ZC3H4: variants seen among roughly 807,000 people sequenced by gnomAD.
ZC3H4 encodes the protein zinc finger CCCH-type containing 4.
In ZC3H4, 13 loss-of-function variants were observed where a neutral mutation model predicts 108.3. The observed-to-expected ratio is 0.12, with a 90% CI of 0.08 to 0.19. ZC3H4 has a LOEUF of 0.19. ZC3H4 is among the 10% of genes least tolerant of loss of function. ZC3H4 has a pLI of 1.00. For missense variants in ZC3H4, 1,734 were observed against 1,838.8 expected, an observed-to-expected ratio of 0.94 and a Z score of 1.04; for synonymous variants, 917 against 749.6, an observed-to-expected ratio of 1.22 and a Z score of -3.65.
At chr19:47,103,913 C>T (rs1227514891) in intron 2 of ZC3H4, among the ~76,000 whole-genome samples, 6 of 151,680 alleles carry the variant, frequency 4.0e-5, no homozygotes, top group East Asian at 1.9e-4. Context: ...CACTGCACTC[C>T]GGCCTGGGTG....
intron 7 of ZC3H4, 51 bp downstream of exon 7, chr19:47,085,267 C>G: frequency 6.4e-7 from 1 of 1,561,804 alleles, no homozygotes; most frequent in Non-Finnish European, 8.7e-7. Flanking sequence ...ATTCCAGCAG[C>G]TGCTGGAATC....
chr19:47,089,709 C>CG (rs918927883), intron 5 of ZC3H4, among the ~76,000 whole-genome samples: 2 of 152,052 alleles, frequency 1.3e-5, no homozygotes, highest in Non-Finnish European at 2.9e-5. Context: ...CCCTTCTCCC[C>CG]CCACAGCTGA....
intron 10 of ZC3H4, 59 bp downstream of exon 10, chr19:47,082,125 T>C (rs1851863734): frequency 1.4e-6 from 2 of 1,382,492 alleles, no homozygotes; most frequent in African/African-American, 1.4e-5. Context: ...ACTACCACCA[T>C]CAAGGAGCAG....
intron 2 of ZC3H4, among the ~76,000 whole-genome samples, chr19:47,108,513 G>A (rs1469829532): frequency 6.6e-6 from 1 of 152,186 alleles, no homozygotes. Context: ...AAAGATCTAA[G>A]AGCAAGAAGC....
chr19:47,110,533 A>C (rs1313596181), intron 2 of ZC3H4, among the ~76,000 whole-genome samples: 1 of 152,204 alleles, frequency 6.6e-6, no homozygotes, highest in East Asian at 1.9e-4. Flanking sequence ...GAACATATCA[A>C]TTCACTCTCA....
intron 2 of ZC3H4, among the ~76,000 whole-genome samples, chr19:47,108,599 C>T (rs1024594488): frequency 6.6e-6 from 1 of 152,160 alleles, no homozygotes; most frequent in African/African-American, 2.4e-5. Flanking sequence ...TGTATGGAAA[C>T]GCAAGAGTCA....
chr19:47,067,916 C>T lies in ZC3H4; in HGVS notation c.2399-47G>A. The T allele has an allele frequency of 6.6e-7, 1 of 1,523,608 alleles. No individual in the cohort carries two copies. Among genetic ancestry groups the T allele is most frequent in the Non-Finnish European group, 8.8e-7 (1 of 1,133,658 alleles). The allele number at this position is 1,523,608 out of a possible 1,614,324, so 94.4% of individuals were successfully genotyped here. ...GGGAGGGGTGAGTGGGCGCATCCAC[C>T]ACCCGCCCTCTTGGATCCCACAGCA... On this transcript the variant is annotated intron_variant, in intron 14 of 14. Transcript: ENST00000253048. The surrounding 1 kb of genome is among the most constrained non-coding windows in gnomAD (Gnocchi z 6.4).
At position 47,069,240 on chromosome 19, in the gene ZC3H4, G is replaced by A; in HGVS notation, c.2250C>T (p.Gly750=). Residue 750 remains glycine, a synonymous_variant, in exon 14 of 15, where the codon GGC becomes GGT. Transcript: ENST00000253048. ...PDSFSEGGPP[G]RPKPGAGVPD... is the part of the protein sequence containing the mutation. ...GGACACCGGCGCCTGGCTTCGGCCG[G>A]CCTGGGGGCCCTCCCTCAGAGAAGC... 6.2e-7 allele frequency: 1 copy of A among 1,613,654 alleles called. No homozygotes were observed.
chr19:47,083,619 G>C (rs890406108), intron 9 of ZC3H4, among the ~76,000 whole-genome samples: 3 of 151,758 alleles, frequency 2.0e-5, no homozygotes, highest in African/African-American at 4.8e-5. Context: ...TGAGGCAGGA[G>C]AATCGCTTGA....
intron 2 of ZC3H4, among the ~76,000 whole-genome samples, chr19:47,108,501 T>TAA (rs1555786227): frequency 2.0e-5 from 3 of 152,072 alleles, no homozygotes; most frequent in Non-Finnish European, 1.5e-5. Flanking sequence ...GGGAAGAAGG[T>TAA]AAAAGATCTA....
rs564963945 is a variant in ZC3H4 at position 47,073,883 on chromosome 19, T to C, written c.1441-1170A>G. Among the ~76,000 whole-genome samples, 6 of 152,336 alleles carry C rather than the reference T, an allele frequency of 3.9e-5. No individual in the cohort carries two copies. In the East Asian group the frequency reaches 1.2e-3, roughly 29 times the overall value. Reference sequence around the variant, plus strand: ...ACATCTATCAGTATGTCACTCTGTTTTTTATGGCTGAATCATATTCCCCTG... The same window carrying C: ...ACATCTATCAGTATGTCACTCTGTTCTTTATGGCTGAATCATATTCCCCTG... On this transcript the variant is annotated intron_variant, in intron 11 of 14. Transcript: ENST00000253048.
At chr19:47,106,463 A>C (rs908745194) in intron 2 of ZC3H4, among the ~76,000 whole-genome samples, 7 of 152,204 alleles carry the variant, frequency 4.6e-5, no homozygotes, top group African/African-American at 1.7e-4. Flanking sequence ...AATAAAAGAG[A>C]AAAAACAAAG....
In ZC3H4 at chr19:47,066,362, G is replaced by A. The variant is rs1413728520; in HGVS notation, c.3906C>T (p.Cys1302=). ...CCGCAGCTCTGGCTGGACACTACTG[G>A]CAAAAGGGGGAGGCCGTGGGGTCGA... The part of the protein sequence containing the change: ...KGFDPTASPF[C]Q The change falls in exon 15 of 15, where the codon TGC becomes TGT. Residue 1302 remains cysteine (C), a synonymous_variant. Coordinates refer to ENST00000253048, the MANE Select transcript of ZC3H4 (RefSeq NM_015168.2). The A allele has an allele frequency of 6.5e-7, 1 of 1,547,696 alleles. No individual in the cohort carries two copies. The highest frequency in any genetic ancestry group is 8.7e-7 in the Non-Finnish European group (1 of 1,148,876).
chr19:47,111,675 G>A (rs887186971), intron 2 of ZC3H4, among the ~76,000 whole-genome samples: 1 of 152,062 alleles, frequency 6.6e-6, no homozygotes, highest in Admixed American at 6.6e-5. Flanking sequence ...CATCAAAAGG[G>A]CTGGAGATGC....
In ZC3H4 at chr19:47,072,024, G is replaced by A. The variant is rs757667086; in HGVS notation, c.1900C>T (p.Pro634Ser). Reference sequence around the variant, plus strand: ...GGGTGCATGTCCGGGTGCATGTCGGGGTGCATGTCAGGATGCATTGGACCG... The same window carrying A: ...GGGTGCATGTCCGGGTGCATGTCGGAGTGCATGTCAGGATGCATTGGACCG... ...MGGPMHPDMH[P>S]DMHPDMHPDM... Residue 634 changes from proline (P) to serine (S), a missense_variant, in exon 13 of 15, where the codon CCC becomes TCC. Coordinates refer to ENST00000253048, the MANE Select transcript of ZC3H4 (RefSeq NM_015168.2). The surrounding 1 kb of genome is among the most constrained non-coding windows in gnomAD (Gnocchi z 5.6). 1 of 1,590,426 alleles carries A rather than the reference G, an allele frequency of 6.3e-7. No homozygotes were observed. Among genetic ancestry groups the A allele is most frequent in the Non-Finnish European group, 8.6e-7 (1 of 1,168,244 alleles).
rs2057621654 is a variant in ZC3H4, at chr19:47,086,322, C to G, written c.870+62G>C. Reference sequence around the variant, plus strand: ...GGCCTCACAGCCTCTACCAGCAGTGCTCACGCCCCGGAAAGCCCACCAGCC... The same window carrying G: ...GGCCTCACAGCCTCTACCAGCAGTGGTCACGCCCCGGAAAGCCCACCAGCC... On this transcript the variant is annotated intron_variant, in intron 6 of 14. Transcript: ENST00000253048. The G allele has an allele frequency of 5.0e-6, 8 of 1,602,372 alleles. No individual in the cohort carries two copies. The South Asian group carries it at 8.9e-5, about 18-fold the overall frequency.
intron 9 of ZC3H4, among the ~76,000 whole-genome samples, chr19:47,083,322 A>G (rs566067198): frequency 4.8e-4 from 71 of 148,854 alleles, no homozygotes; most frequent in Non-Finnish European, 3.3e-4. Context: ...AAAAAAAAAA[A>G]AGAGAGAGAG....
At chr19:47,107,578 G>A (rs575607155) in intron 2 of ZC3H4, among the ~76,000 whole-genome samples, 74 of 150,354 alleles carry the variant, frequency 4.9e-4, no homozygotes, top group South Asian at 2.3e-3. Context: ...AAAAATACAC[G>A]AGAAAGATCC....
At position 47,072,657 on chromosome 19, in the gene ZC3H4, C is replaced by T; in HGVS notation, c.1497G>A (p.Leu499=). ...GAEDEKEVEE[L]KKQGINPLPK... is the part of the protein sequence containing the mutation. ...GCAGGGGGTTGATGCCCTGCTTCTTCAGTTCCTCCACCTCCTTCTCATCCT... is the reference window on the plus strand; with the variant it reads ...GCAGGGGGTTGATGCCCTGCTTCTTTAGTTCCTCCACCTCCTTCTCATCCT... The change falls in exon 12 of 15, where the codon CTG becomes CTA. Residue 499 remains leucine (L), a synonymous_variant. Coordinates refer to ENST00000253048, the MANE Select transcript of ZC3H4 (RefSeq NM_015168.2). This position sits in a 1 kb window ranked among gnomAD's most constrained non-coding sequence, Gnocchi z 5.6. 6.2e-7 allele frequency: 1 copy of T among 1,613,638 alleles called. No individual in the cohort carries two copies. Among genetic ancestry groups the T allele is most frequent in the Non-Finnish European group, 8.5e-7 (1 of 1,179,998 alleles).
Sources: gnomAD v4.1 joint callset for allele counts (sites outside exome capture counted in the v4.1 genomes callset) on GRCh38, gnomAD v4.1.1 for gene constraint, Gnocchi (gnomAD v3.1) non-coding constraint, MANE v1.5 for transcripts, NCBI Gene and HGNC (gene_info 2026-07-23, HGNC 2026-07-21) for gene names.